The following ANKS1B variants were observed in gnomAD, a reference collection of about 807,000 sequenced individuals.
ANKS1B encodes the protein ankyrin repeat and sterile alpha motif domain-containing protein 1B.
A neutral mutation model predicts 148.3 loss-of-function variants in ANKS1B; 36 were observed. That is an observed-to-expected ratio of 0.24 (90% confidence interval 0.19 to 0.32). ANKS1B has a LOEUF of 0.32. ANKS1B is among the 10% of genes least tolerant of loss of function. The pLI is 1.00. For missense variants in ANKS1B, 1,157 were observed against 1,542.6 expected, an observed-to-expected ratio of 0.75 and a Z score of 4.19; for synonymous variants, 542 against 560.8, an observed-to-expected ratio of 0.97 and a Z score of 0.47.
chr12:99,596,558 G>A (rs996349531), intron 9 of ANKS1B, among the ~76,000 whole-genome samples: 2 of 151,806 alleles, frequency 1.3e-5, no homozygotes, highest in Admixed American at 6.6e-5. Context: ...TAGTATGGGG[G>A]TAGGTTTATG....
At chr12:99,409,521 T>C (rs1217702146) in intron 11 of ANKS1B, among the ~76,000 whole-genome samples, 1 of 152,028 alleles carries the variant, frequency 6.6e-6, no homozygotes, top group Non-Finnish European at 1.5e-5. Flanking sequence ...TTATGGGTAA[T>C]ACAAAGAAAG....
intron 10 of ANKS1B, among the ~76,000 whole-genome samples, chr12:99,480,783 ATCT>A (rs1045087581): frequency 4.0e-5 from 6 of 151,804 alleles, no homozygotes; most frequent in Admixed American, 6.6e-5. Flanking sequence ...TTGGCAAAAT[ATCT>A]TCATTAGTTT....
At position 99,403,135 on chromosome 12, in the gene ANKS1B, T is replaced by C. The variant is rs1254601465; in HGVS notation, c.1576-3324A>G. ...GTATGTCTTCTTTTGAGCAGCAGTGTCTGTTCACTTTTCTTTCTTTTTTTT... is the reference window on the plus strand; with the variant it reads ...GTATGTCTTCTTTTGAGCAGCAGTGCCTGTTCACTTTTCTTTCTTTTTTTT... On this transcript the variant is annotated intron_variant, in intron 11 of 26. Transcript: ENST00000683438. Among the ~76,000 whole-genome samples, 3 of 141,232 alleles carry C rather than the reference T, an allele frequency of 2.1e-5. No homozygotes were observed. In the East Asian group the frequency reaches 5.8e-4, roughly 28 times the overall value. 92.7% of individuals were successfully genotyped at this position (141,232 alleles called of 152,430 possible). A position where few individuals can be genotyped will look rare whatever the true frequency, so the allele number is the denominator to read the frequency against.
At chr12:99,534,370 T>C (rs1273121445) in intron 9 of ANKS1B, among the ~76,000 whole-genome samples, 1 of 152,228 alleles carries the variant, frequency 6.6e-6, no homozygotes, top group African/African-American at 2.4e-5. Flanking sequence ...AATCATGTCA[T>C]TTGCCATTTA....
intron 11 of ANKS1B, among the ~76,000 whole-genome samples, chr12:99,415,230 T>C (rs1183888695): frequency 6.6e-6 from 1 of 152,178 alleles, no homozygotes; most frequent in Non-Finnish European, 1.5e-5. Flanking sequence ...TGCAAATACT[T>C]ATATATTAAT....
intron 10 of ANKS1B, among the ~76,000 whole-genome samples, chr12:99,456,728 T>C (rs763557363): frequency 1.3e-4 from 19 of 148,144 alleles, no homozygotes; most frequent in Non-Finnish European, 2.5e-4. Flanking sequence ...ACAAAGAAAA[T>C]TTTTTTTTTA....
At chr12:99,184,891 G>C (rs1430082129) in intron 14 of ANKS1B, among the ~76,000 whole-genome samples, 2 of 152,114 alleles carry the variant, frequency 1.3e-5, no homozygotes, top group African/African-American at 4.8e-5. Flanking sequence ...AGATTGCTCT[G>C]GTTAAATGGA....
chr12:99,575,798 T>C (rs1295743815), intron 9 of ANKS1B, among the ~76,000 whole-genome samples: 7 of 151,890 alleles, frequency 4.6e-5, no homozygotes, highest in Non-Finnish European at 1.5e-5. Flanking sequence ...ACCAAAAAAA[T>C]ACACTCAAGT....
At chr12:99,722,302 C>T (rs2058164531) in intron 8 of ANKS1B, among the ~76,000 whole-genome samples, 1 of 152,202 alleles carries the variant, frequency 6.6e-6, no homozygotes. Context: ...GAGAAGTCAA[C>T]GTCTGGCTTC....
intron 17 of ANKS1B, among the ~76,000 whole-genome samples, chr12:98,891,702 T>A (rs1281650933): frequency 1.3e-5 from 2 of 152,192 alleles, no homozygotes; most frequent in Admixed American, 6.5e-5. Context: ...ACATTACATA[T>A]AATAGCCAAT....
chr12:99,579,881 CA>C (rs929603527), intron 9 of ANKS1B, among the ~76,000 whole-genome samples: 1 of 149,602 alleles, frequency 6.7e-6, no homozygotes, highest in Non-Finnish European at 1.5e-5. Context: ...ATCGTTCCAC[CA>C]AAAAAAAATG....
intron 9 of ANKS1B, among the ~76,000 whole-genome samples, chr12:99,604,294 T>G (rs1242321165): frequency 6.6e-6 from 1 of 152,004 alleles, no homozygotes; most frequent in Non-Finnish European, 1.5e-5. Flanking sequence ...TAGATATAAC[T>G]TACAGGTTTA....
chr12:98,794,558 A>T (rs2098930288), intron 22 of ANKS1B: 1 of 717,406 alleles, frequency 1.4e-6, no homozygotes, highest in African/African-American at 1.7e-5. Flanking sequence ...ATCCGCAATG[A>T]TTGCAAGGTG....
At chr12:99,380,814 C>T (rs73151145) in intron 12 of ANKS1B, among the ~76,000 whole-genome samples, 19,131 of 142,428 alleles carry the variant, frequency 0.13, 1,305 homozygotes, top group African/African-American at 0.2. Flanking sequence ...TCTCATGCTC[C>T]ACAACAAACA....
chr12:99,281,658 A>T (rs1047789512), intron 12 of ANKS1B, among the ~76,000 whole-genome samples: 4 of 152,224 alleles, frequency 2.6e-5, no homozygotes, highest in African/African-American at 4.8e-5. Flanking sequence ...ATCAAACTTC[A>T]TGACTGTGAA....
intron 1 of ANKS1B, among the ~76,000 whole-genome samples, chr12:99,895,364 G>A (rs964381196): frequency 2.7e-5 from 4 of 150,402 alleles, no homozygotes; most frequent in Non-Finnish European, 6.0e-5. Flanking sequence ...GAAGTCCCAT[G>A]TGGCGAAATC....
chr12:99,554,774 G>C (rs1024269691), intron 9 of ANKS1B, among the ~76,000 whole-genome samples: 18 of 152,214 alleles, frequency 1.2e-4, no homozygotes, highest in South Asian at 6.2e-4. Context: ...CAGGGGTTTG[G>C]AGTACAAATT....
chr12:98,767,742 T>A (rs945920941), intron 25 of ANKS1B, among the ~76,000 whole-genome samples: 1 of 152,268 alleles, frequency 6.6e-6, no homozygotes, highest in Admixed American at 6.5e-5. Flanking sequence ...AATCTTTCTA[T>A]GTTGACTTAC....
chr12:98,966,702 T>C (rs2099878203), intron 17 of ANKS1B, among the ~76,000 whole-genome samples: 1 of 152,132 alleles, frequency 6.6e-6, no homozygotes, highest in Non-Finnish European at 1.5e-5. Flanking sequence ...TTATACACCA[T>C]GGAATACTAT....
Sources: gnomAD v4.1 joint callset for allele counts (sites outside exome capture counted in the v4.1 genomes callset) on GRCh38, gnomAD v4.1.1 for gene constraint, MANE v1.5 for transcripts, NCBI Gene and HGNC (gene_info 2026-07-23, HGNC 2026-07-21) for gene names.